Variants in MIPOL1 observed in about 807,000 individuals in gnomAD.
MIPOL1 encodes the protein mirror-image polydactyly gene 1 protein.
A neutral mutation model predicts 60.9 loss-of-function variants in MIPOL1; 57 were observed. The ratio of observed to expected loss-of-function variants is 0.94; its 90% CI spans 0.76 to 1.17. The LOEUF (loss-of-function observed/expected upper bound fraction) is 1.17, where lower values mean the gene tolerates loss of function less well. Ranked by LOEUF, MIPOL1 falls within the 50% of genes most tolerant of loss-of-function variation. The probability of loss-of-function intolerance (pLI) is 0.00; values close to 1 mark genes in which losing one functional copy is unlikely to be tolerated. For missense variants in MIPOL1, 551 were observed against 511.6 expected (o/e 1.08, Z -0.74); for synonymous variants, 179 against 168.8 (o/e 1.06, Z -0.47).
chr14:37,209,601 A>G (rs533169046), intron 1 of MIPOL1, among the ~76,000 whole-genome samples: 93 of 152,336 alleles, frequency 6.1e-4, no homozygotes, highest in Non-Finnish European at 8.8e-5. Context: ...CGGAGGTTGC[A>G]GTGAGCTGAG....
chr14:37,249,301 A>G (rs953798667), intron 3 of MIPOL1, among the ~76,000 whole-genome samples: 5 of 152,126 alleles, frequency 3.3e-5, no homozygotes, highest in African/African-American at 9.7e-5. Context: ...CCTGTTCAGC[A>G]TAGTCCTGCC....
chr14:37,369,635 G>A lies in MIPOL1; in HGVS notation c.936+11G>A, dbSNP rs749417995. On this transcript the variant is annotated intron_variant, in intron 10 of 12. Transcript: ENST00000684589. ...GAACGTGCTCTGAAGGTAAATCTCCGTTCCTTCTTGCAGGCAAATTAAGGT... is the reference window on the plus strand; with the variant it reads ...GAACGTGCTCTGAAGGTAAATCTCCATTCCTTCTTGCAGGCAAATTAAGGT... 4.7e-5 allele frequency: 76 copies of A among 1,603,036 alleles called. No individual in the cohort carries two copies. Among genetic ancestry groups the A allele is most frequent in the Admixed American group, 6.7e-5 (4 of 59,710 alleles).
chr14:37,282,860 C>A (rs1316208975), intron 6 of MIPOL1, among the ~76,000 whole-genome samples: 1 of 151,444 alleles, frequency 6.6e-6, no homozygotes, highest in African/African-American at 2.4e-5. Context: ...AGTCAGTTCA[C>A]ACCCTGGGCT....
At chr14:37,240,923 G>T (rs1159354252) in intron 1 of MIPOL1, among the ~76,000 whole-genome samples, 1 of 141,290 alleles carries the variant, frequency 7.1e-6, no homozygotes, top group African/African-American at 2.9e-5. Flanking sequence ...ACTACCAGTA[G>T]GTGACACACA....
At chr14:37,462,997 C>G (rs960677338) in intron 11 of MIPOL1, among the ~76,000 whole-genome samples, 2 of 152,138 alleles carry the variant, frequency 1.3e-5, no homozygotes, top group African/African-American at 4.8e-5. Context: ...TCAGCAATGC[C>G]CCATTCTACT....
chr14:37,360,079 A>T (rs1392115393), intron 9 of MIPOL1, among the ~76,000 whole-genome samples: 1 of 152,086 alleles, frequency 6.6e-6, no homozygotes, highest in South Asian at 2.1e-4. Flanking sequence ...TGAGACAATC[A>T]TGTGGTTTTT....
intron 1 of MIPOL1, among the ~76,000 whole-genome samples, chr14:37,241,746 A>T (rs1229086788): frequency 6.6e-6 from 1 of 152,168 alleles, no homozygotes; most frequent in Non-Finnish European, 1.5e-5. Flanking sequence ...TTTCATTATA[A>T]ATTTTTTAAA....
intron 11 of MIPOL1, among the ~76,000 whole-genome samples, chr14:37,431,185 G>T (rs951969866): frequency 6.6e-6 from 1 of 152,176 alleles, no homozygotes; most frequent in African/African-American, 2.4e-5. Flanking sequence ...AAAGTGCAGT[G>T]TTTCCCTTGG....
At chr14:37,311,018 G>T (rs930699738) in intron 9 of MIPOL1, among the ~76,000 whole-genome samples, 1 of 152,128 alleles carries the variant, frequency 6.6e-6, no homozygotes, top group African/African-American at 2.4e-5. Flanking sequence ...CTGTCTTCCA[G>T]CAGGAGCTCT....
intron 12 of MIPOL1, among the ~76,000 whole-genome samples, chr14:37,515,577 A>G (rs889799999): frequency 4.6e-5 from 7 of 152,236 alleles, no homozygotes; most frequent in African/African-American, 1.4e-4. Context: ...CATGTGCCAT[A>G]TAACAAGCTA....
intron 9 of MIPOL1, among the ~76,000 whole-genome samples, chr14:37,334,632 C>A (rs1221883230): frequency 3.3e-5 from 5 of 151,842 alleles, no homozygotes; most frequent in African/African-American, 1.2e-4. Flanking sequence ...CCCAAAAGAA[C>A]CCCTGTACCC....
At chr14:37,322,419 A>G (rs887108351) in intron 9 of MIPOL1, among the ~76,000 whole-genome samples, 4 of 151,992 alleles carry the variant, frequency 2.6e-5, no homozygotes, top group Non-Finnish European at 5.9e-5. Flanking sequence ...TCTTTTTGAG[A>G]AAGTCATGTT....
At chr14:37,261,027 G>C (rs2082485122) in intron 3 of MIPOL1, among the ~76,000 whole-genome samples, 1 of 151,884 alleles carries the variant, frequency 6.6e-6, no homozygotes, top group African/African-American at 2.4e-5. Context: ...AATCTTTCCT[G>C]AATGTCAAGA....
intron 1 of MIPOL1, among the ~76,000 whole-genome samples, chr14:37,221,988 TAAATA>T (rs1466033233): frequency 6.6e-6 from 1 of 151,680 alleles, no homozygotes; most frequent in African/African-American, 2.4e-5. Flanking sequence ...GAAAAATAAA[TAAATA>T]AATAAATAAA....
At chr14:37,343,303 T>G (rs2090713861) in intron 9 of MIPOL1, among the ~76,000 whole-genome samples, 1 of 152,164 alleles carries the variant, frequency 6.6e-6, no homozygotes, top group South Asian at 2.1e-4. Flanking sequence ...AAAAAAACTC[T>G]TTATTCCAAG....
intron 11 of MIPOL1, among the ~76,000 whole-genome samples, chr14:37,466,736 T>A (rs1012124429): frequency 9.9e-5 from 15 of 152,178 alleles, no homozygotes; most frequent in African/African-American, 3.6e-4. Context: ...TTGAAAGAAA[T>A]AAAGGCCAGG....
chr14:37,494,583 C>T (rs1273480611), intron 11 of MIPOL1, among the ~76,000 whole-genome samples: 2 of 152,084 alleles, frequency 1.3e-5, no homozygotes, highest in Non-Finnish European at 2.9e-5. Flanking sequence ...TAGACCACAG[C>T]AAGTATAGAA....
intron 9 of MIPOL1, 27 bp from the exon 10 acceptor site, chr14:37,369,490 C>T (rs751984876): frequency 1.9e-6 from 3 of 1,554,518 alleles, no homozygotes; most frequent in Non-Finnish European, 2.7e-6. Flanking sequence ...AACTCCTTTA[C>T]TTAATGGGAT....
intron 11 of MIPOL1, among the ~76,000 whole-genome samples, chr14:37,462,084 G>A (rs1008691891): frequency 6.6e-6 from 1 of 152,194 alleles, no homozygotes; most frequent in African/African-American, 2.4e-5. Context: ...TCTCCATGAG[G>A]ACCCCATCCC....
Sources: allele counts gnomAD v4.1 joint callset (sites outside exome capture counted in the v4.1 genomes callset), GRCh38; gene constraint gnomAD v4.1.1; transcripts MANE v1.5; gene names NCBI Gene and HGNC (gene_info 2026-07-23, HGNC 2026-07-21).